The following GSE1 variants were observed in gnomAD, a reference collection of about 807,000 sequenced individuals.
GSE1 encodes genetic suppressor element 1.
In GSE1, 32 loss-of-function variants were observed where a neutral mutation model predicts 112.6. That is an observed-to-expected ratio of 0.28 (90% CI 0.21 to 0.38). GSE1 has a LOEUF of 0.38. Ranked by LOEUF, GSE1 falls within the 10% of genes least tolerant of loss-of-function variation. The probability of loss-of-function intolerance (pLI) is 1.00; values close to 1 mark genes in which losing one functional copy is unlikely to be tolerated. For missense variants in GSE1, 2,348 were observed against 1,699.2 expected (o/e 1.38, Z -6.71); for synonymous variants, 1,115 against 735.6 (o/e 1.52, Z -8.35).
chr16:85,587,855 C>T (rs555406060), intron 1 of GSE1, among the ~76,000 whole-genome samples: 4 of 152,324 alleles, frequency 2.6e-5, no homozygotes, highest in Non-Finnish European at 5.9e-5. Flanking sequence ...CTCCCCCAGC[C>T]CTTCCCGTGT....
intron 2 of GSE1, among the ~76,000 whole-genome samples, chr16:85,401,228 C>A (rs899295675): frequency 1.3e-5 from 2 of 152,180 alleles, no homozygotes; most frequent in African/African-American, 4.8e-5. Context: ...CCTGATTTCA[C>A]ATTATTCTCC....
At chr16:85,444,674 ATGCACACG>A (rs1483073363) in intron 2 of GSE1, among the ~76,000 whole-genome samples, 1 of 152,078 alleles carries the variant, frequency 6.6e-6, no homozygotes, top group African/African-American at 2.4e-5. Context: ...ATGTGCACAC[ATGCACACG>A]TGCACACACG....
At position 85,539,545 on chromosome 16, in the gene GSE1, T is replaced by TG. The variant is rs35144507; in HGVS notation, c.2465-94363dup. 1.3e-5 allele frequency among the ~76,000 whole-genome samples: 2 copies of TG among 152,120 alleles called. 1 individual carries two copies. The highest frequency in any genetic ancestry group is 3.9e-4 in the East Asian group (2 of 5,188). ...AATGGATAACTCGAAATTATAACGGTGGGGGGTGCTTGTTTTGGCCTAAAG... is the reference window on the plus strand; with the variant it reads ...AATGGATAACTCGAAATTATAACGGTGGGGGGGTGCTTGTTTTGGCCTAAAG... On this transcript the variant is annotated intron_variant, in intron 2 of 2. Coordinates refer to the GSE1 transcript ENST00000637419.
At chr16:85,190,145 G>T (rs2074792264) in intron 1 of GSE1, among the ~76,000 whole-genome samples, 1 of 152,228 alleles carries the variant, frequency 6.6e-6, no homozygotes, top group South Asian at 2.1e-4. Flanking sequence ...CATTGAGCCA[G>T]TGGAGGCTAA....
chr16:85,512,189 G>A (rs2051769420), intron 2 of GSE1, among the ~76,000 whole-genome samples: 2 of 152,204 alleles, frequency 1.3e-5, no homozygotes, highest in African/African-American at 2.4e-5. Flanking sequence ...AGGCAGGGGT[G>A]TGGCCCTGGG....
chr16:85,178,121 G>C (rs1480221847), intron 1 of GSE1, among the ~76,000 whole-genome samples: 1 of 152,210 alleles, frequency 6.6e-6, no homozygotes, highest in Admixed American at 6.5e-5. Context: ...TGGTTGTGCA[G>C]TGCATTGAGT....
chr16:85,455,854 G>C (rs932874437), intron 2 of GSE1, among the ~76,000 whole-genome samples: 7 of 152,228 alleles, frequency 4.6e-5, no homozygotes, highest in Admixed American at 4.6e-4. Context: ...AGCCCATCCT[G>C]CTGCCTAACT....
At chr16:85,572,239 ACACAC>A (rs1025140810) in intron 1 of GSE1, among the ~76,000 whole-genome samples, 4 of 149,206 alleles carry the variant, frequency 2.7e-5, no homozygotes, top group Admixed American at 1.3e-4. Flanking sequence ...CACGTACAAA[ACACAC>A]CACACCACAC....
intron 2 of GSE1, among the ~76,000 whole-genome samples, chr16:85,456,179 A>C (rs1372100773): frequency 6.6e-6 from 1 of 152,100 alleles, no homozygotes; most frequent in African/African-American, 2.4e-5. Context: ...AGTATTTTGG[A>C]GGACACCTGG....
intron 1 of GSE1, among the ~76,000 whole-genome samples, chr16:85,268,884 T>C (rs74031755): frequency 6.7e-6 from 1 of 149,916 alleles, no homozygotes; most frequent in East Asian, 1.9e-4. Flanking sequence ...CCCTGAAGGA[T>C]GGGACCCATT....
chr16:85,273,667 G>A (rs1909073323), intron 1 of GSE1, among the ~76,000 whole-genome samples: 1 of 152,062 alleles, frequency 6.6e-6, no homozygotes, highest in East Asian at 1.9e-4. Flanking sequence ...GAAGAGGAGT[G>A]ACTGCTCATG....
At chr16:85,614,881 A>C (rs2048272354) in intron 1 of GSE1, among the ~76,000 whole-genome samples, 2 of 152,148 alleles carry the variant, frequency 1.3e-5, no homozygotes, top group East Asian at 3.9e-4. Context: ...CGCCTGAACA[A>C]AAGGCCCAGC....
At chr16:85,574,658 G>T (rs113700023) in intron 1 of GSE1, among the ~76,000 whole-genome samples, 49 of 152,364 alleles carry the variant, frequency 3.2e-4, no homozygotes, top group African/African-American at 1.1e-3. Flanking sequence ...GATGCCAAGA[G>T]CCCAAGAAGG....
chr16:85,525,778 C>T lies in GSE1; in HGVS notation c.2465-108136C>T, dbSNP rs1203108587. ...TGTGACCCCAGACAAGCTGTTTAACCTCGCTGGGCTCCAGTTTCTTCCTAT... is the reference window on the plus strand; with the variant it reads ...TGTGACCCCAGACAAGCTGTTTAACTTCGCTGGGCTCCAGTTTCTTCCTAT... On this transcript the variant is annotated intron_variant, in intron 2 of 2. Coordinates refer to the GSE1 transcript ENST00000637419. 7.2e-5 allele frequency among the ~76,000 whole-genome samples: 11 copies of T among 152,308 alleles called. No individual in the cohort carries two copies. The East Asian group carries it at 2.1e-3, about 29-fold the overall frequency.
At chr16:85,348,310 A>G (rs1331032967) in intron 1 of GSE1, among the ~76,000 whole-genome samples, 3 of 151,760 alleles carry the variant, frequency 2.0e-5, no homozygotes, top group Admixed American at 6.6e-5. Context: ...CCATCCATCC[A>G]TCCATCCATC....
intron 2 of GSE1, among the ~76,000 whole-genome samples, chr16:85,519,000 G>A (rs1045760214): frequency 1.3e-5 from 2 of 152,100 alleles, no homozygotes; most frequent in African/African-American, 2.4e-5. Context: ...CGTCTGCCTC[G>A]GTTCAGATCC....
At chr16:85,555,603 C>CT (rs899009741), upstream of GSE1, 111 of 962,834 alleles carry the variant, frequency 1.2e-4, no homozygotes, top group Non-Finnish European at 1.3e-4. Context: ...CCCGCCCCTC[C>CT]TCACCCAGTA....
At chr16:85,651,903 C>G (rs1254677613) in intron 3 of GSE1, among the ~76,000 whole-genome samples, 1 of 152,226 alleles carries the variant, frequency 6.6e-6, no homozygotes, top group Non-Finnish European at 1.5e-5. Flanking sequence ...CCAGGGGCCA[C>G]TCCGTCTTGT....
intron 1 of GSE1, among the ~76,000 whole-genome samples, chr16:85,268,557 C>G (rs1908499017): frequency 6.6e-6 from 1 of 152,154 alleles, no homozygotes; most frequent in Non-Finnish European, 1.5e-5. Flanking sequence ...GCACCTTCAT[C>G]CTCGTTCAGG....
Sources: allele counts gnomAD v4.1 joint callset (sites outside exome capture counted in the v4.1 genomes callset), GRCh38; gene constraint gnomAD v4.1.1; transcripts MANE v1.5; gene names NCBI Gene and HGNC (gene_info 2026-07-23, HGNC 2026-07-21).